The following GPC6 variants were observed in gnomAD, a reference collection of about 807,000 sequenced individuals.
GPC6 encodes the protein glypican 6.
Under a neutral mutation model 55.2 loss-of-function variants are expected in GPC6, and 14 were observed. The ratio of observed to expected loss-of-function variants is 0.25; its 90% confidence interval spans 0.17 to 0.40. The LOEUF (loss-of-function observed/expected upper bound fraction) is 0.40, where lower values mean the gene tolerates loss of function less well. Among genes scored for constraint, GPC6 ranks in the 10% least tolerant of loss-of-function variants. The probability of loss-of-function intolerance (pLI) is 1.00; values close to 1 mark genes in which losing one functional copy is unlikely to be tolerated. For synonymous variants in GPC6, 278 were observed against 259.6 expected (o/e 1.07, Z -0.68); for missense variants, 641 against 708.5 (o/e 0.90, Z 1.08).
At chr13:94,120,241 G>A (rs1886579222) in intron 4 of GPC6, among the ~76,000 whole-genome samples, 2 of 152,076 alleles carry the variant, frequency 1.3e-5, no homozygotes, top group South Asian at 4.2e-4. Context: ...TCGCAGTGCT[G>A]TTCTGAAAAC....
At chr13:94,038,011 G>A (rs1232083554) in intron 4 of GPC6, among the ~76,000 whole-genome samples, 1 of 151,796 alleles carries the variant, frequency 6.6e-6, no homozygotes, top group Non-Finnish European at 1.5e-5. Context: ...TAATGTAGTT[G>A]CATGTGGCTG....
chr13:93,636,350 A>G (rs1223184467), intron 2 of GPC6, among the ~76,000 whole-genome samples: 1 of 152,214 alleles, frequency 6.6e-6, no homozygotes, highest in Non-Finnish European at 1.5e-5. Context: ...CCTGATTGAA[A>G]TTCTGTTGTT....
intron 4 of GPC6, among the ~76,000 whole-genome samples, chr13:94,188,616 G>A (rs1889280376): frequency 6.6e-6 from 1 of 152,254 alleles, no homozygotes; most frequent in East Asian, 1.9e-4. Flanking sequence ...GGAGACGGGA[G>A]CCATGGTGGA....
At chr13:93,990,697 ATTT>A (rs35070918) in intron 3 of GPC6, among the ~76,000 whole-genome samples, 2 of 144,004 alleles carry the variant, frequency 1.4e-5, no homozygotes, top group Non-Finnish European at 1.5e-5. Context: ...CTCTACAACA[ATTT>A]TTTTTTTTTT....
intron 3 of GPC6, among the ~76,000 whole-genome samples, chr13:93,900,446 A>G (rs1248368180): frequency 6.6e-6 from 1 of 152,170 alleles, no homozygotes; most frequent in African/African-American, 2.4e-5. Context: ...TGACATAGAA[A>G]CACAAGGTAA....
rs138042565 is a variant in GPC6 at position 93,831,812 on chromosome 13, C to T, written c.711+1267C>T. 2.9e-3 allele frequency among the ~76,000 whole-genome samples: 446 copies of T among 151,298 alleles called. 5 individuals carry two copies. Among genetic ancestry groups the T allele is most frequent in the African/African-American group, 1.0e-2 (411 of 41,208 alleles). Reference sequence around the variant, plus strand: ...CTAATGTTTAAAATAATATCTTTGCCGGGCGCGGTGGCTCACATCTGTAAT... The same window carrying T: ...CTAATGTTTAAAATAATATCTTTGCTGGGCGCGGTGGCTCACATCTGTAAT... On this transcript the variant is annotated intron_variant, in intron 3 of 8. Coordinates refer to ENST00000377047, the MANE Select transcript of GPC6 (RefSeq NM_005708.5).
At chr13:94,218,496 T>TATTCTGCAGCTACAGCTCAGA (rs1349590303) in intron 4 of GPC6, among the ~76,000 whole-genome samples, 5 of 152,164 alleles carry the variant, frequency 3.3e-5, no homozygotes, top group Admixed American at 6.6e-5. Flanking sequence ...TGCACCCCGT[T>TATTCTGCAGCTACAGCTCAGA]ATTCTGCAGC....
chr13:93,551,016 G>A (rs1875130557), intron 2 of GPC6, among the ~76,000 whole-genome samples: 1 of 152,120 alleles, frequency 6.6e-6, no homozygotes, highest in South Asian at 2.1e-4. Flanking sequence ...GCAAAGAGGA[G>A]GGAGGAAAGT....
At chr13:93,700,097 T>G (rs1165912007) in intron 2 of GPC6, among the ~76,000 whole-genome samples, 1 of 152,104 alleles carries the variant, frequency 6.6e-6, no homozygotes. Flanking sequence ...CTCTTAATAC[T>G]ATATTAAGTC....
intron 1 of GPC6, among the ~76,000 whole-genome samples, chr13:93,296,082 G>A (rs191038410): frequency 2.0e-5 from 3 of 152,202 alleles, no homozygotes; most frequent in Admixed American, 6.5e-5. Flanking sequence ...CTTAAAACAG[G>A]GGGATTTCAA....
In GPC6 at chr13:94,406,097, A is replaced by G. The variant is rs2139237833; in HGVS notation, c.*2880A>G. 1 of 152,242 alleles carries G rather than the reference A, an allele frequency of 6.6e-6. No homozygotes were observed. The highest frequency in any genetic ancestry group is 2.1e-4 in the South Asian group (1 of 4,826). 9.4% of individuals were successfully genotyped at this position (152,242 alleles called of 1,614,324 possible). The stretch of plus-strand genomic sequence containing the variant: ...TAATCATATCATAACTTTTGTTATG[A>G]ATAGAGAGGAATGGGCTCACTGAAA... On this transcript the variant is annotated 3_prime_UTR_variant, in exon 9 of 9. Transcript: ENST00000377047.
intron 2 of GPC6, among the ~76,000 whole-genome samples, chr13:93,698,164 A>T (rs1882526295): frequency 2.0e-5 from 3 of 152,044 alleles, no homozygotes; most frequent in Non-Finnish European, 2.9e-5. Flanking sequence ...TTCTTCTTTT[A>T]TTCAGCTTGA....
At chr13:94,400,822 T>C (rs981972228) in intron 8 of GPC6, among the ~76,000 whole-genome samples, 1 of 152,170 alleles carries the variant, frequency 6.6e-6, no homozygotes, top group African/African-American at 2.4e-5. Flanking sequence ...CTAATGTCCT[T>C]ACAAAGCTTC....
intron 4 of GPC6, among the ~76,000 whole-genome samples, chr13:94,221,491 A>T (rs553753950): frequency 6.6e-6 from 1 of 152,260 alleles, no homozygotes; most frequent in East Asian, 1.9e-4. Flanking sequence ...TAAAATGCTT[A>T]GACCTCATAT....
chr13:94,140,896 A>T (rs1221360647), intron 4 of GPC6, among the ~76,000 whole-genome samples: 1 of 152,028 alleles, frequency 6.6e-6, no homozygotes, highest in Non-Finnish European at 1.5e-5. Flanking sequence ...GCTAGTAAAA[A>T]ATCTTTCAAA....
intron 2 of GPC6, among the ~76,000 whole-genome samples, chr13:93,608,737 A>G (rs1266843641): frequency 6.6e-6 from 1 of 152,208 alleles, no homozygotes; most frequent in Non-Finnish European, 1.5e-5. Context: ...TGCCACGTTC[A>G]GGGAGAGGAT....
At chr13:93,469,994 C>T (rs1034821169) in intron 1 of GPC6, among the ~76,000 whole-genome samples, 3 of 152,042 alleles carry the variant, frequency 2.0e-5, no homozygotes, top group African/African-American at 7.2e-5. Flanking sequence ...TATATCCTCC[C>T]ACCAATTCTG....
chr13:93,966,493 C>T (rs1016519464), intron 3 of GPC6, among the ~76,000 whole-genome samples: 1 of 152,218 alleles, frequency 6.6e-6, no homozygotes, highest in Non-Finnish European at 1.5e-5. Flanking sequence ...GTATACTTTG[C>T]TGTGTTTGTT....
chr13:94,205,108 G>A (rs1050828152), intron 4 of GPC6, among the ~76,000 whole-genome samples: 7 of 152,104 alleles, frequency 4.6e-5, no homozygotes, highest in African/African-American at 1.7e-4. Context: ...TGTGCCAAAA[G>A]CATCTGTTGC....
Sources: allele counts gnomAD v4.1 joint callset (sites outside exome capture counted in the v4.1 genomes callset), GRCh38; gene constraint gnomAD v4.1.1; transcripts MANE v1.5; gene names NCBI Gene and HGNC (gene_info 2026-07-23, HGNC 2026-07-21).